The following C8A variants were observed in gnomAD, a reference collection of about 807,000 sequenced individuals.
C8A encodes complement component C8 alpha chain.
In C8A, 67 loss-of-function variants were observed where a neutral mutation model predicts 65.3. That is an observed-to-expected ratio of 1.03 (90% CI 0.84 to 1.26). The LOEUF is 1.26. C8A is among the 50% of genes most tolerant of loss of function. C8A has a pLI of 0.00. For missense variants in C8A, 781 were observed against 723.9 expected (o/e 1.08, Z -0.90); for synonymous variants, 290 against 259.4 (o/e 1.12, Z -1.13).
intron 2 of C8A, among the ~76,000 whole-genome samples, chr1:56,869,194 CA>C (rs1644119769): frequency 6.6e-6 from 1 of 152,110 alleles, no homozygotes; most frequent in Admixed American, 6.5e-5. Context: ...CCCGAGTCCC[CA>C]AAGTCCATTA....
chr1:56,907,515 C>A (rs759581082), intron 8 of C8A, among the ~76,000 whole-genome samples: 18 of 152,208 alleles, frequency 1.2e-4, no homozygotes, highest in Non-Finnish European at 2.4e-4. Context: ...GACTGCCTCC[C>A]ACACCCCCTA....
chr1:56,865,328 T>C (rs1426585572), intron 1 of C8A, among the ~76,000 whole-genome samples: 11 of 152,220 alleles, frequency 7.2e-5, no homozygotes, highest in Admixed American at 7.2e-4. Context: ...AAGTCCAAGA[T>C]CAAGGCACTG....
rs755053334 is a variant in C8A, at chr1:56,917,679, C to T, written c.1718C>T (p.Ser573Leu). The T allele has an allele frequency of 2.6e-5, 42 of 1,614,084 alleles. No homozygotes were observed. The East Asian group carries it at 8.5e-4, about 33-fold the overall frequency. The change falls in exon 11 of 11, where the codon TCG becomes TTG. Residue 573 changes from serine to leucine, a missense_variant. Ser to Leu is a moderately radical substitution (Grantham distance 145). Coordinates refer to ENST00000361249, the MANE Select transcript of C8A (RefSeq NM_000562.3). Reference protein sequence around the residue: ...DNPAPQNGGASCPGRKVQTQA... With the variant: ...DNPAPQNGGALCPGRKVQTQA... ...CCAGCACCTCAGAATGGAGGGGCCTCGTGTCCAGGGCGGAAAGTACAGACG... is the reference window on the plus strand; with the variant it reads ...CCAGCACCTCAGAATGGAGGGGCCTTGTGTCCAGGGCGGAAAGTACAGACG...
intron 10 of C8A, among the ~76,000 whole-genome samples, 161 bp downstream of exon 10, chr1:56,912,786 G>A (rs1315616266): frequency 2.0e-5 from 3 of 152,164 alleles, no homozygotes; most frequent in Non-Finnish European, 2.9e-5. Flanking sequence ...CACATTTAGT[G>A]GTTCTTGTGC....
At chr1:56,885,880 T>A in intron 6 of C8A, 47 bp from the exon 7 acceptor site, 1 of 1,612,790 alleles carries the variant, frequency 6.2e-7, no homozygotes, top group Non-Finnish European at 8.5e-7. Flanking sequence ...TGGTAAAATA[T>A]ATGCTCTCTT....
chr1:56,917,016 C>A (rs1399211825), intron 10 of C8A, among the ~76,000 whole-genome samples: 1 of 151,950 alleles, frequency 6.6e-6, no homozygotes, highest in Admixed American at 6.5e-5. Context: ...GAGGGCGGTG[C>A]TCCCCTCTCT....
chr1:56,877,303 C>G (rs1204565748), intron 4 of C8A, among the ~76,000 whole-genome samples: 2 of 152,120 alleles, frequency 1.3e-5, no homozygotes, highest in Non-Finnish European at 2.9e-5. Context: ...GAGGTACCAT[C>G]TCCCCTAGGT....
chr1:56,861,517 C>T (rs996014054), intron 1 of C8A, among the ~76,000 whole-genome samples: 1 of 152,128 alleles, frequency 6.6e-6, no homozygotes, highest in African/African-American at 2.4e-5. Context: ...GCCCCATGAC[C>T]CAAACACCTC....
intron 4 of C8A, among the ~76,000 whole-genome samples, chr1:56,880,267 A>G (rs142764083): frequency 6.6e-6 from 1 of 152,090 alleles, no homozygotes; most frequent in Non-Finnish European, 1.5e-5. Flanking sequence ...ATCCTAAAAC[A>G]TGGAACCCGG....
At chr1:56,900,940 T>C (rs1465099533) in intron 7 of C8A, among the ~76,000 whole-genome samples, 1 of 152,080 alleles carries the variant, frequency 6.6e-6, no homozygotes. Flanking sequence ...AACATAGACA[T>C]AGGGCCCTTG....
At chr1:56,881,686 G>C (rs1378494582) in intron 5 of C8A, 52 bp downstream of exon 5, 2 of 1,515,312 alleles carry the variant, frequency 1.3e-6, no homozygotes, top group African/African-American at 2.8e-5. Flanking sequence ...GTGGCAGAGA[G>C]GCAGAGGCCT....
At chr1:56,886,866 G>T (rs2101250013) in intron 7 of C8A, among the ~76,000 whole-genome samples, 1 of 152,240 alleles carries the variant, frequency 6.6e-6, no homozygotes, top group South Asian at 2.1e-4. Context: ...GGAGAACGGT[G>T]GTTCTCAAAG....
rs1055391333 is a variant in C8A at position 56,873,149 on chromosome 1, A to T, written c.172-1800A>T. ...TGCTACCTTTGCCACTTTGTTAATG[A>T]GCAGCTAAGGAGACAGAGGTGGGTA... On this transcript the variant is annotated intron_variant, in intron 2 of 10. Transcript: ENST00000361249. Among the ~76,000 whole-genome samples the T allele has an allele frequency of 2.6e-5, 4 of 152,178 alleles. No homozygotes were observed. The South Asian group carries it at 8.3e-4, about 31-fold the overall frequency.
chr1:56,875,441 T>G (rs944667217), intron 3 of C8A, among the ~76,000 whole-genome samples: 1 of 152,188 alleles, frequency 6.6e-6, no homozygotes, highest in African/African-American at 2.4e-5. Flanking sequence ...CTTGATGTAC[T>G]CCTAGTCTAG....
rs1408165492 is a variant in C8A at position 56,911,731 on chromosome 1, G to T, written c.1381-672G>T. Among the ~76,000 whole-genome samples, 4 of 152,312 alleles carry T rather than the reference G, an allele frequency of 2.6e-5. No individual in the cohort carries two copies. In the East Asian group the frequency reaches 7.7e-4, roughly 29 times the overall value. On this transcript the variant is annotated intron_variant, in intron 9 of 10. Transcript: ENST00000361249. ...TGAACTACGGTCATGTCTGGAATGG[G>T]TTGCATCAGTTGTAAATAACTCCCA... is the stretch of plus-strand genomic sequence containing the variant.
At chr1:56,880,727 T>A (rs1318931369) in intron 4 of C8A, among the ~76,000 whole-genome samples, 2 of 152,168 alleles carry the variant, frequency 1.3e-5, no homozygotes, top group Non-Finnish European at 2.9e-5. Flanking sequence ...TACTAACAAT[T>A]GCTACAATAG....
rs113831244 is a variant in C8A at position 56,874,844 on chromosome 1, C to A, written c.172-105C>A. On this transcript the variant is annotated intron_variant, in intron 2 of 10. Transcript: ENST00000361249. ...GACAGCTTCACAGGCAGGTCTCAAT[C>A]ATTAGATAATTATTTCTTATGTTGA... 5.1e-4 allele frequency: 646 copies of A among 1,259,966 alleles called. 1 individual carries two copies. The African/African-American group carries it at 8.3e-3, about 16-fold the overall frequency. 78.0% of individuals were successfully genotyped at this position (1,259,966 alleles called of 1,614,324 possible).
At chr1:56,870,393 G>T (rs1644132516) in intron 2 of C8A, among the ~76,000 whole-genome samples, 1 of 152,092 alleles carries the variant, frequency 6.6e-6, no homozygotes, top group Non-Finnish European at 1.5e-5. Context: ...CTTACCTTGT[G>T]GCTGGATCAC....
At chr1:56,913,931 C>T (rs1644530468) in intron 10 of C8A, among the ~76,000 whole-genome samples, 2 of 152,128 alleles carry the variant, frequency 1.3e-5, no homozygotes, top group African/African-American at 4.8e-5. Context: ...ACAGACGGCC[C>T]CACAGTGAAA....
Sources: gnomAD v4.1 joint callset for allele counts (sites outside exome capture counted in the v4.1 genomes callset) on GRCh38, gnomAD v4.1.1 for gene constraint, MANE v1.5 for transcripts, NCBI Gene and HGNC (gene_info 2026-07-23, HGNC 2026-07-21) for gene names.